The following PRKAR1B variants were observed in gnomAD, a reference collection of about 807,000 sequenced individuals.
PRKAR1B encodes protein kinase cAMP-dependent type I regulatory subunit beta.
A neutral mutation model predicts 46.5 loss-of-function variants in PRKAR1B; 22 were observed. The observed-to-expected ratio is 0.47, with a 90% CI of 0.34 to 0.68. PRKAR1B has a LOEUF of 0.68. PRKAR1B is among the 30% of genes least tolerant of loss of function. The pLI is 0.01. For missense variants in PRKAR1B, 445 were observed against 535.6 expected (o/e 0.83, Z 1.67); for synonymous variants, 259 against 217.7 (o/e 1.19, Z -1.67).
intron 4 of PRKAR1B, among the ~76,000 whole-genome samples, chr7:673,077 A>ACAC (rs1554301103): frequency 8.6e-6 from 1 of 116,244 alleles, no homozygotes; most frequent in African/African-American, 3.9e-5. Context: ...AAAAAAAAAA[A>ACAC]ACACACACAC....
intron 1 of PRKAR1B, among the ~76,000 whole-genome samples, chr7:718,588 C>T (rs900050784): frequency 6.6e-6 from 1 of 151,892 alleles, no homozygotes; most frequent in African/African-American, 2.4e-5. Context: ...AACTCCTGAC[C>T]TCAGGTGATC....
intron 9 of PRKAR1B, among the ~76,000 whole-genome samples, chr7:561,712 C>T (rs373221582): frequency 5.3e-5 from 8 of 152,326 alleles, no homozygotes; most frequent in African/African-American, 1.7e-4. Flanking sequence ...GCGGGCGAGC[C>T]GCCCAAGGTC....
intron 7 of PRKAR1B, among the ~76,000 whole-genome samples, chr7:590,857 A>G (rs12720011): frequency 0.45 from 68,704 of 151,852 alleles, 15,815 homozygotes; most frequent in South Asian, 0.51. Context: ...AGTGACAACG[A>G]TCTTTTCAGA....
In PRKAR1B at chr7:559,454, G is replaced by C. The variant is rs35242537; in HGVS notation, c.892-7984C>G. Among the ~76,000 whole-genome samples, 383 of 152,264 alleles carry C rather than the reference G, an allele frequency of 2.5e-3. 2 individuals carry two copies. Among genetic ancestry groups the C allele is most frequent in the Non-Finnish European group, 3.8e-3 (256 of 68,012 alleles). ...CTGCTCCGTCTCAGGGCTGGTGGTC[G>C]CACTTCCCCATGCCCGGCAGGAGCC... is the stretch of plus-strand genomic sequence containing the variant. On this transcript the variant is annotated intron_variant, in intron 9 of 10. Coordinates refer to ENST00000537384, the MANE Select transcript of PRKAR1B (RefSeq NM_001164760.2).
rs1220142217 is a variant in PRKAR1B, at chr7:550,223, A to G, written c.*207T>C. 1 of 578,622 alleles carries G rather than the reference A, an allele frequency of 1.7e-6. No homozygotes were observed. Among genetic ancestry groups the G allele is most frequent in the East Asian group, 3.0e-5 (1 of 33,720 alleles). The allele number at this position is 578,622 out of a possible 1,614,324, so 35.8% of individuals were successfully genotyped here. ...TGTCCCTTCCTTGATCTTGGGATGC[A>G]TTTTGTCCGCTTGTCCTTTGATTTG... On this transcript the variant is annotated 3_prime_UTR_variant, in exon 11 of 11. Transcript: ENST00000537384.
At chr7:554,972 C>G (rs574393010) in intron 9 of PRKAR1B, among the ~76,000 whole-genome samples, 1 of 152,344 alleles carries the variant, frequency 6.6e-6, no homozygotes, top group Non-Finnish European at 1.5e-5. Context: ...GGTCCTCAAT[C>G]AGGTCCCTCA....
At chr7:588,816 A>ATGGTGATGGTGGTGATGG (rs1562542313) in intron 7 of PRKAR1B, among the ~76,000 whole-genome samples, 32 of 42,620 alleles carry the variant, frequency 7.5e-4, no homozygotes, top group Admixed American at 1.8e-3. Flanking sequence ...GGTGATCACG[A>ATGGTGATGGTGGTGATGG]TGATGGTGGT....
At chr7:695,515 T>G (rs890251636) in intron 2 of PRKAR1B, among the ~76,000 whole-genome samples, 3 of 152,144 alleles carry the variant, frequency 2.0e-5, no homozygotes, top group African/African-American at 7.2e-5. Context: ...TGTTCCATGA[T>G]GGAGACTGCA....
At chr7:579,419 C>A (rs1440622057) in intron 8 of PRKAR1B, 42 bp from the exon 9 acceptor site, 16 of 1,606,898 alleles carry the variant, frequency 1.0e-5, no homozygotes, top group East Asian at 2.2e-5. Context: ...GGGGCCCACG[C>A]CCCCACAGCC....
At chr7:596,642 G>A (rs1176458185) in intron 6 of PRKAR1B, among the ~76,000 whole-genome samples, 5 of 152,348 alleles carry the variant, frequency 3.3e-5, no homozygotes, top group East Asian at 1.9e-4. Flanking sequence ...TGACTCCCAG[G>A]CAGTGTCTGA....
At chr7:674,289 CT>C (rs918067737) in intron 4 of PRKAR1B, among the ~76,000 whole-genome samples, 1 of 151,938 alleles carries the variant, frequency 6.6e-6, no homozygotes, top group Non-Finnish European at 1.5e-5. Context: ...TCACATCCAG[CT>C]ACTCTAGTCA....
intron 9 of PRKAR1B, among the ~76,000 whole-genome samples, chr7:572,132 C>CAAGGACG (rs1367285473): frequency 6.6e-6 from 1 of 152,124 alleles, no homozygotes; most frequent in East Asian, 1.9e-4. Flanking sequence ...GCAGGCCTCA[C>CAAGGACG]AAGGACGCAG....
chr7:551,038 G>T (rs1044751871), intron 10 of PRKAR1B, among the ~76,000 whole-genome samples: 2 of 151,380 alleles, frequency 1.3e-5, no homozygotes, highest in Non-Finnish European at 2.9e-5. Context: ...CACCCAGGTA[G>T]GCCTGGGCCT....
At chr7:642,853 G>A (rs1308153095) in intron 4 of PRKAR1B, among the ~76,000 whole-genome samples, 4 of 151,558 alleles carry the variant, frequency 2.6e-5, no homozygotes, top group Admixed American at 6.6e-5. Context: ...ACAGCAGGGC[G>A]TGGAGGGGGC....
At chr7:645,445 G>A (rs529253151) in intron 4 of PRKAR1B, among the ~76,000 whole-genome samples, 2 of 152,222 alleles carry the variant, frequency 1.3e-5, no homozygotes, top group East Asian at 1.9e-4. Flanking sequence ...GAGCCCAGGG[G>A]TTCAAGACCA....
intron 2 of PRKAR1B, among the ~76,000 whole-genome samples, chr7:695,800 ACTACAGGTG>A (rs2128519211): frequency 6.6e-6 from 1 of 151,660 alleles, no homozygotes; most frequent in East Asian, 2.0e-4. Flanking sequence ...AGTAGCTGGG[ACTACAGGTG>A]CCTGCCACCA....
At chr7:650,839 G>T (rs1421179228) in intron 4 of PRKAR1B, among the ~76,000 whole-genome samples, 1 of 152,148 alleles carries the variant, frequency 6.6e-6, no homozygotes, top group Non-Finnish European at 1.5e-5. Flanking sequence ...GCCCAGAGGC[G>T]TCTGAGGCAA....
chr7:592,290 G>A lies in PRKAR1B; in HGVS notation c.708+3856C>T, dbSNP rs140600478. On this transcript the variant is annotated intron_variant, in intron 7 of 10. Transcript: ENST00000537384. ...GGGCACTAAGCCCCGGTCGAGGCTC[G>A]GGGACCCTCCGTGACCTTAGCAGCG... Among the ~76,000 whole-genome samples the A allele has an allele frequency of 8.1e-4, 123 of 152,334 alleles. 1 individual carries two copies. The highest frequency in any genetic ancestry group is 1.7e-3 in the Admixed American group (26 of 15,308).
chr7:582,455 G>C (rs960611349), intron 8 of PRKAR1B, among the ~76,000 whole-genome samples: 2 of 152,280 alleles, frequency 1.3e-5, no homozygotes, highest in African/African-American at 4.8e-5. Context: ...TGCCGATGCT[G>C]ACTGGGCAGG....
Sources: gnomAD v4.1 joint callset for allele counts (sites outside exome capture counted in the v4.1 genomes callset) on GRCh38, gnomAD v4.1.1 for gene constraint, MANE v1.5 for transcripts, NCBI Gene and HGNC (gene_info 2026-07-23, HGNC 2026-07-21) for gene names.